LRRC4C: variants seen among roughly 807,000 people sequenced by gnomAD.
The protein encoded by LRRC4C is leucine-rich repeat-containing protein 4C.
LRRC4C carries 5 observed loss-of-function variants against 33.6 expected under a neutral mutation model. The ratio of observed to expected loss-of-function variants is 0.15; its 90% CI spans 0.08 to 0.31. The LOEUF (loss-of-function observed/expected upper bound fraction) is 0.31. Among genes scored for constraint, LRRC4C ranks in the 10% least tolerant of loss-of-function variants. LRRC4C has a pLI of 1.00. For synonymous variants in LRRC4C, 329 were observed against 302.0 expected, an observed-to-expected ratio of 1.09 and a Z score of -0.93; for missense variants, 560 against 796.7, an observed-to-expected ratio of 0.70 and a Z score of 3.58.
At chr11:40,255,774 C>T (rs1867158338) in intron 4 of LRRC4C, among the ~76,000 whole-genome samples, 1 of 152,122 alleles carries the variant, frequency 6.6e-6, no homozygotes, top group Admixed American at 6.5e-5. Context: ...CACTTTCCAC[C>T]CAAATACAAA....
chr11:41,117,935 AT>A (rs1942223996), intron 1 of LRRC4C, among the ~76,000 whole-genome samples: 1 of 152,216 alleles, frequency 6.6e-6, no homozygotes, highest in South Asian at 2.1e-4. Flanking sequence ...AAAGATATTG[AT>A]AACAGCTAAA....
chr11:40,167,827 C>T (rs554394311), intron 5 of LRRC4C, among the ~76,000 whole-genome samples: 1 of 152,150 alleles, frequency 6.6e-6, no homozygotes, highest in South Asian at 2.1e-4. Flanking sequence ...GGTGGATCAC[C>T]TGAGGTCATG....
At position 41,033,503 on chromosome 11, in the gene LRRC4C, A is replaced by T. The variant is rs1590302538; in HGVS notation, c.-495-99780T>A. Among the ~76,000 whole-genome samples, 9 of 152,188 alleles carry T rather than the reference A, an allele frequency of 5.9e-5. 1 individual carries two copies. The South Asian group carries it at 1.9e-3, about 32-fold the overall frequency. On this transcript the variant is annotated intron_variant, in intron 1 of 6. Coordinates refer to ENST00000528697, the MANE Select transcript of LRRC4C (RefSeq NM_001258419.2). ...GTGATGCTCCCAGAAAATTATATAC[A>T]GGGTGACCATTTCATCCTGGTTCAC...
intron 1 of LRRC4C, among the ~76,000 whole-genome samples, chr11:41,171,178 T>G (rs2136095600): frequency 6.6e-6 from 1 of 152,128 alleles, no homozygotes; most frequent in East Asian, 1.9e-4. Context: ...AGTTCAACCA[T>G]TGTGGAAGTC....
At chr11:41,444,928 C>T (rs1392128102) in intron 1 of LRRC4C, among the ~76,000 whole-genome samples, 1 of 151,838 alleles carries the variant, frequency 6.6e-6, no homozygotes, top group African/African-American at 2.4e-5. Flanking sequence ...CTCAGCCTCC[C>T]GAATAGCTAG....
At chr11:40,578,137 T>C (rs1346849788) in intron 3 of LRRC4C, among the ~76,000 whole-genome samples, 1 of 128,432 alleles carries the variant, frequency 7.8e-6, no homozygotes. Flanking sequence ...ACTTTTTTTT[T>C]TCGGTTTTTT....
chr11:40,899,097 T>C (rs1043617731), intron 2 of LRRC4C, among the ~76,000 whole-genome samples: 2 of 47,368 alleles, frequency 4.2e-5, no homozygotes, highest in African/African-American at 9.3e-5. Context: ...GTGGTCATTT[T>C]GAAAAAAAAA....
chr11:40,473,228 G>A (rs1331489820), intron 3 of LRRC4C, among the ~76,000 whole-genome samples: 2 of 152,156 alleles, frequency 1.3e-5, no homozygotes, highest in African/African-American at 2.4e-5. Context: ...ACCAAATGCA[G>A]CAGCACATCA....
In LRRC4C at chr11:40,287,550, C is replaced by T. The variant is rs1414688962; in HGVS notation, c.-176+32078G>A. 2.0e-5 allele frequency among the ~76,000 whole-genome samples: 3 copies of T among 152,228 alleles called. No homozygotes were observed. In the East Asian group the frequency reaches 5.8e-4, roughly 29 times the overall value. ...CTTTGCATTCAGAAAGTGTTATAAG[C>T]ACAGTGTCTCAGCCACAAGATCAGC... On this transcript the variant is annotated intron_variant, in intron 4 of 6. Transcript: ENST00000528697.
At chr11:41,362,444 T>A (rs757390711) in intron 1 of LRRC4C, among the ~76,000 whole-genome samples, 5 of 151,950 alleles carry the variant, frequency 3.3e-5, no homozygotes, top group African/African-American at 4.8e-5. Context: ...AGAAATGGAG[T>A]ACCTGAAAGT....
At chr11:40,727,764 C>A (rs1372182105) in intron 2 of LRRC4C, among the ~76,000 whole-genome samples, 1 of 152,064 alleles carries the variant, frequency 6.6e-6, no homozygotes, top group Non-Finnish European at 1.5e-5. Flanking sequence ...AGAAGACATA[C>A]AAGGCTGGGT....
chr11:40,480,198 G>C (rs1180209044), intron 3 of LRRC4C, among the ~76,000 whole-genome samples: 1 of 151,962 alleles, frequency 6.6e-6, no homozygotes, highest in African/African-American at 2.4e-5. Flanking sequence ...AAGCAGGGGG[G>C]CTTCTGTGTC....
chr11:41,017,911 C>T (rs1232029726), intron 1 of LRRC4C, among the ~76,000 whole-genome samples: 1 of 151,774 alleles, frequency 6.6e-6, no homozygotes, highest in Admixed American at 6.6e-5. Flanking sequence ...TAATTAAGCT[C>T]TGGATTTTTA....
chr11:40,275,371 G>A (rs80266711), intron 4 of LRRC4C, among the ~76,000 whole-genome samples: 3 of 152,060 alleles, frequency 2.0e-5, no homozygotes, highest in Admixed American at 6.6e-5. Flanking sequence ...CCAATGGGAG[G>A]CTGGAAAAAG....
intron 1 of LRRC4C, among the ~76,000 whole-genome samples, chr11:41,075,922 A>T (rs892975602): frequency 6.6e-6 from 1 of 152,230 alleles, no homozygotes; most frequent in South Asian, 2.1e-4. Context: ...TTCTTGAACA[A>T]CTTTCTTTAC....
chr11:40,405,388 C>T (rs748781579), intron 3 of LRRC4C, among the ~76,000 whole-genome samples: 4 of 151,876 alleles, frequency 2.6e-5, no homozygotes, highest in Non-Finnish European at 5.9e-5. Flanking sequence ...GTAATCCCAG[C>T]GCTTTGGGAA....
At chr11:41,318,152 A>G (rs983628213) in intron 1 of LRRC4C, among the ~76,000 whole-genome samples, 11 of 152,336 alleles carry the variant, frequency 7.2e-5, no homozygotes, top group Middle Eastern at 3.4e-3. Context: ...CCCATTTTGA[A>G]TATTTCCCAA....
intron 1 of LRRC4C, among the ~76,000 whole-genome samples, chr11:41,452,371 C>G (rs190103308): frequency 2.0e-5 from 3 of 152,158 alleles, no homozygotes; most frequent in Non-Finnish European, 4.4e-5. Context: ...TGTAAAGGAA[C>G]AGCTAGAACA....
At chr11:40,736,433 T>C (rs1485766846) in intron 2 of LRRC4C, among the ~76,000 whole-genome samples, 1 of 152,152 alleles carries the variant, frequency 6.6e-6, no homozygotes, top group East Asian at 1.9e-4. Context: ...TTTTGGTTGG[T>C]TCCAAGTCTT....
Sources: gnomAD v4.1 joint callset for allele counts (sites outside exome capture counted in the v4.1 genomes callset) on GRCh38, gnomAD v4.1.1 for gene constraint, MANE v1.5 for transcripts, NCBI Gene and HGNC (gene_info 2026-07-23, HGNC 2026-07-21) for gene names.